The following SORCS1 variants were observed in gnomAD, a reference collection of about 807,000 sequenced individuals.
SORCS1 encodes the protein sortilin related VPS10 domain containing receptor 1.
Under a neutral mutation model 146.1 loss-of-function variants are expected in SORCS1, and 60 were observed. The observed-to-expected ratio is 0.41, with a 90% CI of 0.33 to 0.51. The LOEUF (loss-of-function observed/expected upper bound fraction) is 0.51. Ranked by LOEUF, SORCS1 falls within the 20% of genes least tolerant of loss-of-function variation. The pLI, the probability that SORCS1 is intolerant of heterozygous loss-of-function variation, is 0.21. For missense variants in SORCS1, 1,352 were observed against 1,487.6 expected, an observed-to-expected ratio of 0.91 and a Z score of 1.50; for synonymous variants, 637 against 584.0, an observed-to-expected ratio of 1.09 and a Z score of -1.31.
intron 24 of SORCS1, among the ~76,000 whole-genome samples, chr10:106,591,078 A>C: frequency 6.6e-6 from 1 of 152,208 alleles, no homozygotes; most frequent in East Asian, 1.9e-4. Context: ...TAAGGTGAGG[A>C]GTGTGCAGTC....
At chr10:106,854,014 T>C (rs1949690429) in intron 2 of SORCS1, among the ~76,000 whole-genome samples, 1 of 151,958 alleles carries the variant, frequency 6.6e-6, no homozygotes, top group African/African-American at 2.4e-5. Context: ...TTATAATTTT[T>C]GCCTACTAGA....
intron 1 of SORCS1, among the ~76,000 whole-genome samples, chr10:107,000,951 A>G (rs1022273118): frequency 1.3e-5 from 2 of 151,608 alleles, no homozygotes; most frequent in African/African-American, 4.9e-5. Flanking sequence ...GGGAGATTTA[A>G]TAGAGATCAT....
chr10:106,731,292 CAAAAAAAAAAAAAAA>C (rs57238882), intron 5 of SORCS1, among the ~76,000 whole-genome samples: 2 of 23,762 alleles, frequency 8.4e-5, no homozygotes, highest in Admixed American at 3.7e-4. Flanking sequence ...GACTCCGTCT[CAAAAAAAAAAAAAAA>C]AAAAAAAAAA....
chr10:106,709,977 A>G (rs1449913373), intron 6 of SORCS1, among the ~76,000 whole-genome samples: 2 of 152,162 alleles, frequency 1.3e-5, no homozygotes, highest in African/African-American at 4.8e-5. Context: ...AACTGGCAAT[A>G]ATACTTGGGA....
At chr10:106,581,426 C>T (rs1713224190) in intron 24 of SORCS1, among the ~76,000 whole-genome samples, 1 of 151,718 alleles carries the variant, frequency 6.6e-6, no homozygotes, top group Non-Finnish European at 1.5e-5. Context: ...GGGATTAGGA[C>T]TAAGACTATA....
intron 10 of SORCS1, among the ~76,000 whole-genome samples, chr10:106,684,072 A>G (rs1439711101): frequency 2.0e-5 from 3 of 152,230 alleles, no homozygotes; most frequent in Admixed American, 6.5e-5. Context: ...ACGGTGGCTC[A>G]TGCCTGTAAT....
chr10:106,911,457 T>C lies in SORCS1; in HGVS notation c.626+45056A>G, dbSNP rs537386753. 2.9e-4 allele frequency among the ~76,000 whole-genome samples: 44 copies of C among 151,628 alleles called. No individual in the cohort carries two copies. In the East Asian group the frequency reaches 4.3e-3, roughly 15 times the overall value. On this transcript the variant is annotated intron_variant, in intron 2 of 25. Coordinates refer to ENST00000263054, the MANE Select transcript of SORCS1 (RefSeq NM_052918.5). ...TTTCTTCTCCTCTTAAATTTCATAT[T>C]TTTTTTTTCAGTCACACAGCCTCAG...
chr10:106,893,714 GA>G (rs1052213505), intron 2 of SORCS1, among the ~76,000 whole-genome samples: 6 of 151,960 alleles, frequency 3.9e-5, no homozygotes, highest in Non-Finnish European at 7.4e-5. Context: ...AGATTCACAG[GA>G]AAAAAATGCA....
chr10:107,166,800 A>C (rs1970061887), upstream of SORCS1, among the ~76,000 whole-genome samples: 1 of 152,246 alleles, frequency 6.6e-6, no homozygotes, highest in South Asian at 2.1e-4. Flanking sequence ...CAGAACCCAA[A>C]TAAATTATCA....
At chr10:107,041,708 G>A (rs1010120474) in intron 1 of SORCS1, among the ~76,000 whole-genome samples, 2 of 152,092 alleles carry the variant, frequency 1.3e-5, no homozygotes, top group Admixed American at 1.3e-4. Context: ...AGTGAAAGGT[G>A]AGGAAGTGAG....
chr10:106,718,581 T>C (rs574398748), intron 6 of SORCS1, among the ~76,000 whole-genome samples: 50 of 152,348 alleles, frequency 3.3e-4, no homozygotes, highest in African/African-American at 1.2e-3. Context: ...GCAAGATTTA[T>C]TGCAAAGAGC....
intron 1 of SORCS1, among the ~76,000 whole-genome samples, chr10:106,992,818 CTTTCTTTCTTTT>C (rs1232742927): frequency 2.7e-4 from 30 of 110,440 alleles, no homozygotes; most frequent in Admixed American, 1.7e-3. Flanking sequence ...TTCTTCCTTT[CTTTCTTTCTTTT>C]TTTTTTTTTT....
At chr10:106,978,871 A>G (rs967399503) in intron 1 of SORCS1, among the ~76,000 whole-genome samples, 5 of 152,268 alleles carry the variant, frequency 3.3e-5, no homozygotes, top group African/African-American at 1.2e-4. Context: ...TTACTTCTCA[A>G]TGCTGCAGTT....
At chr10:107,007,072 A>G (rs1564918414) in intron 1 of SORCS1, among the ~76,000 whole-genome samples, 2 of 152,114 alleles carry the variant, frequency 1.3e-5, no homozygotes, top group East Asian at 1.9e-4. Context: ...ATTTTGTAGT[A>G]ATTAGTTTTT....
intron 5 of SORCS1, among the ~76,000 whole-genome samples, chr10:106,757,368 C>T (rs928289001): frequency 6.6e-6 from 1 of 152,058 alleles, no homozygotes; most frequent in East Asian, 1.9e-4. Flanking sequence ...TAGCCAGGTT[C>T]CAAGCAGAAA....
chr10:106,916,931 C>T (rs377454777), intron 2 of SORCS1, among the ~76,000 whole-genome samples: 187 of 152,112 alleles, frequency 1.2e-3, no homozygotes, highest in Middle Eastern at 3.4e-3. Flanking sequence ...TTAGTAGAGA[C>T]GGGGTTTCAC....
At chr10:106,743,714 C>T (rs938315653) in intron 5 of SORCS1, among the ~76,000 whole-genome samples, 11 of 152,190 alleles carry the variant, frequency 7.2e-5, no homozygotes, top group South Asian at 4.2e-4. Context: ...TGTGAGCCAC[C>T]GCACCCGGCC....
chr10:106,731,465 G>C (rs1005947837), intron 5 of SORCS1, among the ~76,000 whole-genome samples: 1 of 152,026 alleles, frequency 6.6e-6, no homozygotes, highest in Admixed American at 6.6e-5. Flanking sequence ...GCCCCTCTGT[G>C]AGTCTCTAAG....
rs528037198 is a variant in SORCS1, at chr10:106,882,874, G to A, written c.627-53201C>T. On this transcript the variant is annotated intron_variant, in intron 2 of 25. Transcript: ENST00000263054. ...TTGACAACCTCCTGATGATTGTTGA[G>A]GTGGAACACTGAATGACTCCATTTC... Among the ~76,000 whole-genome samples, 18 of 152,244 alleles carry A rather than the reference G, an allele frequency of 1.2e-4. No homozygotes were observed. The East Asian group carries it at 3.5e-3, about 29-fold the overall frequency.
Sources: gnomAD v4.1 joint callset for allele counts (sites outside exome capture counted in the v4.1 genomes callset) on GRCh38, gnomAD v4.1.1 for gene constraint, MANE v1.5 for transcripts, NCBI Gene and HGNC (gene_info 2026-07-23, HGNC 2026-07-21) for gene names.